FMNL3: variants seen among roughly 807,000 people sequenced by gnomAD.
FMNL3 encodes the protein formin like 3, also known as formin-like protein 3.
In FMNL3, 57 loss-of-function variants were observed where a neutral mutation model predicts 119.6. The ratio of observed to expected loss-of-function variants is 0.48; its 90% CI spans 0.39 to 0.59. The LOEUF (loss-of-function observed/expected upper bound fraction) is 0.59, where lower values mean the gene tolerates loss of function less well. FMNL3 is among the 20% of genes least tolerant of loss of function. The pLI is 0.00. For synonymous variants in FMNL3, 491 were observed against 507.3 expected, an observed-to-expected ratio of 0.97 and a Z score of 0.43; for missense variants, 1,053 against 1,323.5, an observed-to-expected ratio of 0.80 and a Z score of 3.17.
intron 1 of FMNL3, among the ~76,000 whole-genome samples, chr12:49,678,487 G>A (rs1427092686): frequency 1.3e-5 from 2 of 151,876 alleles, no homozygotes; most frequent in African/African-American, 2.4e-5. Context: ...TTTTGAGACA[G>A]GGTCTCACTT....
At chr12:49,661,092 G>C (rs1234525745) in intron 5 of FMNL3, among the ~76,000 whole-genome samples, 1 of 152,232 alleles carries the variant, frequency 6.6e-6, no homozygotes, top group Non-Finnish European at 1.5e-5. Flanking sequence ...TGTCTTAGGT[G>C]TAAGTCTAAA....
intron 1 of FMNL3, among the ~76,000 whole-genome samples, chr12:49,680,876 G>A (rs539661000): frequency 5.7e-4 from 87 of 152,310 alleles, no homozygotes; most frequent in Non-Finnish European, 9.0e-4. Context: ...AAAGTAGCAG[G>A]ACCCAAATTC....
intron 1 of FMNL3, among the ~76,000 whole-genome samples, chr12:49,689,695 G>C (rs1249343818): frequency 1.3e-5 from 2 of 152,206 alleles, no homozygotes; most frequent in African/African-American, 4.8e-5. Flanking sequence ...CAACCTGGGT[G>C]ACAGAGCAAG....
intron 1 of FMNL3, 110 bp from the exon 2 acceptor site, chr12:49,668,664 C>T: frequency 1.2e-6 from 1 of 844,298 alleles, no homozygotes; most frequent in Non-Finnish European, 1.9e-6. Context: ...TTCACCCTGA[C>T]ACTCCATCGC....
At chr12:49,658,053 G>GA (rs752844088) in intron 6 of FMNL3, among the ~76,000 whole-genome samples, 1 of 152,176 alleles carries the variant, frequency 6.6e-6, no homozygotes, top group Non-Finnish European at 1.5e-5. Flanking sequence ...GCAGAGTGAA[G>GA]AACTAGAGGG....
chr12:49,704,710 C>CA (rs59799899), intron 1 of FMNL3, among the ~76,000 whole-genome samples: 1,549 of 37,676 alleles, frequency 0.041, 187 homozygotes, highest in Non-Finnish European at 0.089. Flanking sequence ...AACTCCATCT[C>CA]AAAAAAAAAA....
At chr12:49,705,519 C>T (rs1467923256) in intron 1 of FMNL3, among the ~76,000 whole-genome samples, 2 of 152,256 alleles carry the variant, frequency 1.3e-5, no homozygotes, top group South Asian at 4.1e-4. Context: ...GTTTCTATAG[C>T]TAACTTGTGT....
intron 1 of FMNL3, among the ~76,000 whole-genome samples, chr12:49,685,239 C>A (rs1027462991): frequency 2.6e-5 from 4 of 152,174 alleles, no homozygotes; most frequent in African/African-American, 9.7e-5. Context: ...AATCCCAACA[C>A]TTTGGGAGGC....
At chr12:49,650,003 TAGA>T in intron 17 of FMNL3, 78 bp from the exon 18 acceptor site, 2 of 1,280,472 alleles carry the variant, frequency 1.6e-6, no homozygotes, top group Non-Finnish European at 2.2e-6. Flanking sequence ...TCCAAGCTCC[TAGA>T]AGAACTGGAC....
chr12:49,642,312 C>T lies in FMNL3; in HGVS notation c.*3503G>A. On this transcript the variant is annotated 3_prime_UTR_variant, in exon 26 of 26. Transcript: ENST00000335154. The surrounding 1 kb of genome is among the most constrained non-coding windows in gnomAD (Gnocchi z 5.8). Reference sequence around the variant, plus strand: ...GCAGGATGCGGCGCAGGGAAGCTGCCTTTCGAAGCATGCTGAGGCAGGCTG... The same window carrying T: ...GCAGGATGCGGCGCAGGGAAGCTGCTTTTCGAAGCATGCTGAGGCAGGCTG... 1.2e-6 allele frequency: 2 copies of T among 1,614,172 alleles called. No individual in the cohort carries two copies. Among genetic ancestry groups the T allele is most frequent in the Non-Finnish European group, 1.7e-6 (2 of 1,180,044 alleles).
intron 1 of FMNL3, among the ~76,000 whole-genome samples, chr12:49,671,345 T>G (rs1944041522): frequency 6.6e-6 from 1 of 152,256 alleles, no homozygotes; most frequent in African/African-American, 2.4e-5. Flanking sequence ...AGGCATGAAG[T>G]AGGTCTGACC....
chr12:49,653,238 T>G lies in FMNL3; in HGVS notation c.1311A>C (p.Leu437=). 1 of 1,614,150 alleles carries G rather than the reference T, an allele frequency of 6.2e-7. No homozygotes were observed. The highest frequency in any genetic ancestry group is 8.5e-7 in the Non-Finnish European group (1 of 1,180,026). The change falls in exon 13 of 26, where the codon CTA becomes CTC. Residue 437 remains leucine (L), a synonymous_variant. Transcript: ENST00000335154. ...EKQLLQREKE[L]ESIKETYENT... is the part of the protein sequence containing the mutation. ...AGAGTACTTGTACCTTGATGCTCTC[T>G]AGTTCCTTCTCCCGCTGTAGCAGCT...
intron 1 of FMNL3, among the ~76,000 whole-genome samples, chr12:49,680,664 T>C (rs531039157): frequency 6.6e-6 from 1 of 152,242 alleles, no homozygotes; most frequent in South Asian, 2.1e-4. Flanking sequence ...CTTTTGAGAG[T>C]TCCCTCCCCA....
Position 49,649,295 on chromosome 12 carries a change from T to C in FMNL3, c.2349A>G (p.Gly783=). 1 of 1,614,076 alleles carries C rather than the reference T, an allele frequency of 6.2e-7. No individual in the cohort carries two copies. The highest frequency in any genetic ancestry group is 8.5e-7 in the Non-Finnish European group (1 of 1,180,018). Residue 783 remains glycine (G), a synonymous_variant, in exon 20 of 26, where the codon GGA becomes GGG. Transcript: ENST00000335154. The surrounding 1 kb of genome is among the most constrained non-coding windows in gnomAD (Gnocchi z 5.6). ...TCTGGAGCTTGAAGCCATACACAGC[T>C]CCCCGCTTGCTGCTGTTCATGTAGT... is the stretch of plus-strand genomic sequence containing the variant. ...LGNYMNSSKR[G]AVYGFKLQSL...
At position 49,644,630 on chromosome 12, in the gene FMNL3, GTTTT is replaced by G. The variant is rs947313876; in HGVS notation, c.*1181_*1184del. ...CCAGGACCTAATGTACGTGTGTTTT[GTTTT>G]TTGTTTTTTAAATAACAATATTTAT... On this transcript the variant is annotated 3_prime_UTR_variant, in exon 26 of 26. Coordinates refer to ENST00000335154, the MANE Select transcript of FMNL3 (RefSeq NM_175736.5). 14 of 186,240 alleles carry G rather than the reference GTTTT, an allele frequency of 7.5e-5. No homozygotes were observed. The highest frequency in any genetic ancestry group is 1.0e-4 in the Non-Finnish European group (9 of 86,810). The allele number at this position is 186,240 out of a possible 1,614,324, so 11.5% of individuals were successfully genotyped here. A position where few individuals can be genotyped will look rare whatever the true frequency, so the allele number is the denominator to read the frequency against.
At chr12:49,686,313 G>A (rs1370025264) in intron 1 of FMNL3, among the ~76,000 whole-genome samples, 3 of 151,496 alleles carry the variant, frequency 2.0e-5, no homozygotes, top group African/African-American at 7.3e-5. Flanking sequence ...TGGACGTGGT[G>A]GCTCACACCT....
At chr12:49,680,803 A>C (rs1250202174) in intron 1 of FMNL3, among the ~76,000 whole-genome samples, 1 of 152,176 alleles carries the variant, frequency 6.6e-6, no homozygotes, top group East Asian at 1.9e-4. Context: ...TCTCTCACTT[A>C]CTATTCTCAA....
In FMNL3 at chr12:49,642,230, C is replaced by T. The variant is rs774645544; in HGVS notation, c.*3585G>A. The T allele has an allele frequency of 2.5e-6, 4 of 1,614,018 alleles. No individual in the cohort carries two copies. The highest frequency in any genetic ancestry group is 3.3e-5 in the Admixed American group (2 of 60,010). On this transcript the variant is annotated 3_prime_UTR_variant, in exon 26 of 26. Coordinates refer to ENST00000335154, the MANE Select transcript of FMNL3 (RefSeq NM_175736.5). This position sits in a 1 kb window ranked among gnomAD's most constrained non-coding sequence, Gnocchi z 5.8. ...GACCCTGTTCCGTGTCCCTTCTTTC[C>T]TCAGCTGCTGGAGAAAGCAGAGGCA...
In FMNL3 at chr12:49,649,815, A is replaced by G. The variant is rs776538974; in HGVS notation, c.2111T>C (p.Leu704Pro). ...LRQYERERQP[L>P]EELAAEDRFM... ...GCGGTCCTCAGCTGCCAACTCCTCC[A>G]GGGGCTGCCGCTCCCGCTCATATTG... Residue 704 changes from leucine (L) to proline (P), a missense_variant, in exon 18 of 26, where the codon CTG (leucine) becomes CCG (proline). Around this residue, in one of 4 missense-constraint regions of FMNL3, gnomAD observed 20 missense variants for 48.7 expected, o/e 0.41. Coordinates refer to ENST00000335154, the MANE Select transcript of FMNL3 (RefSeq NM_175736.5). The surrounding 1 kb of genome is among the most constrained non-coding windows in gnomAD (Gnocchi z 5.6). 1 of 1,614,176 alleles carries G rather than the reference A, an allele frequency of 6.2e-7. No homozygotes were observed. The highest frequency in any genetic ancestry group is 8.5e-7 in the Non-Finnish European group (1 of 1,180,044).
Sources: gnomAD v4.1 joint callset for allele counts (sites outside exome capture counted in the v4.1 genomes callset) on GRCh38, gnomAD v4.1.1 for gene constraint, gnomAD v4.1.1 regional missense constraint, Gnocchi (gnomAD v3.1) non-coding constraint, MANE v1.5 for transcripts, NCBI Gene and HGNC (gene_info 2026-07-23, HGNC 2026-07-21) for gene names.